Variants in HK2 observed in about 807,000 individuals in gnomAD.
HK2 encodes hexokinase-2.
A neutral mutation model predicts 92.9 loss-of-function variants in HK2; 42 were observed. The observed-to-expected ratio is 0.45, with a 90% CI of 0.35 to 0.58. The LOEUF (loss-of-function observed/expected upper bound fraction) is 0.58, where lower values mean the gene tolerates loss of function less well. HK2 is among the 20% of genes least tolerant of loss of function. The probability of loss-of-function intolerance (pLI) is 0.00; values close to 1 mark genes in which losing one functional copy is unlikely to be tolerated. For synonymous variants in HK2, 422 were observed against 468.0 expected (o/e 0.90, Z 1.27); for missense variants, 978 against 1,245.1 (o/e 0.79, Z 3.23).
rs146462580 is a variant in HK2, at chr2:74,886,335, C to T, written c.1977C>T (p.Val659=). The change falls in exon 14 of 18, where the codon GTC becomes GTT. Residue 659 remains valine (V), a synonymous_variant. Transcript: ENST00000290573. ...LDVVAVVNDT[V]GTMMTCGFED... ...TGGTTGCTGTGGTGAACGACACAGTCGGAACTATGATGACCTGTGGCTTTG... is the reference window on the plus strand; with the variant it reads ...TGGTTGCTGTGGTGAACGACACAGTTGGAACTATGATGACCTGTGGCTTTG... 7.7e-5 allele frequency: 125 copies of T among 1,614,152 alleles called. 1 individual carries two copies. Among genetic ancestry groups the T allele is most frequent in the Middle Eastern group, 5.0e-4 (3 of 6,056 alleles).
rs960191021 is a variant in HK2 at position 74,844,966 on chromosome 2, T to G, written c.64-9327T>G. On this transcript the variant is annotated intron_variant, in intron 1 of 17. Transcript: ENST00000290573. The stretch of plus-strand genomic sequence containing the variant: ...CACCTATTATATCCTAGTATTGAGA[T>G]AGCTGCTGCTATGACTGCAGAGAGG... 8.6e-4 allele frequency among the ~76,000 whole-genome samples: 131 copies of G among 152,308 alleles called. 1 individual carries two copies. Among genetic ancestry groups the G allele is most frequent in the Non-Finnish European group, 1.0e-3 (71 of 68,028 alleles).
chr2:74,886,199 T>C (rs1573391711), intron 13 of HK2, 95 bp from the exon 14 acceptor site: 2 of 892,612 alleles, frequency 2.2e-6, no homozygotes, highest in East Asian at 2.5e-5. Context: ...GTGTATGATA[T>C]ATATTTTATA....
At chr2:74,887,216 C>G (rs1207849543) in intron 15 of HK2, among the ~76,000 whole-genome samples, 1 of 152,240 alleles carries the variant, frequency 6.6e-6, no homozygotes, top group Non-Finnish European at 1.5e-5. Context: ...GCAGAATACG[C>G]TTTGCAAAAC....
intron 1 of HK2, among the ~76,000 whole-genome samples, chr2:74,836,854 C>T (rs1358324167): frequency 6.6e-6 from 1 of 152,112 alleles, no homozygotes; most frequent in African/African-American, 2.4e-5. Flanking sequence ...TTTGAAAAGA[C>T]CTTTTGATTT....
Position 74,880,457 on chromosome 2 carries a change from G to C in HK2, c.1458G>C (p.Glu486Asp). ...HLQLSHDQLL[E>D]VKRRMKVEME... ...AGCTGAGCCATGACCAGCTGCTGGA[G>C]GTCAAGAGGAGGATGAAGGTAGAAA... Residue 486 changes from glutamate (E) to aspartate (D), a missense_variant, in exon 10 of 18, where the codon GAG (glutamate) becomes GAC (aspartate). By Grantham distance (45) the Glu-to-Asp change is conservative. Coordinates refer to ENST00000290573, the MANE Select transcript of HK2 (RefSeq NM_000189.5). 6.2e-7 allele frequency: 1 copy of C among 1,614,234 alleles called. No individual in the cohort carries two copies. Among genetic ancestry groups the C allele is most frequent in the Non-Finnish European group, 8.5e-7 (1 of 1,180,042 alleles).
chr2:74,844,219 A>G (rs1043095062), intron 1 of HK2, among the ~76,000 whole-genome samples: 3 of 139,882 alleles, frequency 2.1e-5, no homozygotes, highest in Non-Finnish European at 4.8e-5. Context: ...AGTTAAGGAA[A>G]CCAGATGTTG....
intron 12 of HK2, 40 bp downstream of exon 12, chr2:74,882,279 T>C (rs769982925): frequency 3.1e-6 from 5 of 1,613,036 alleles, no homozygotes; most frequent in South Asian, 2.2e-5. Context: ...GTGGGCTTTA[T>C]TGACTCTAAA....
At chr2:74,838,407 A>T (rs887764303) in intron 1 of HK2, among the ~76,000 whole-genome samples, 1 of 152,084 alleles carries the variant, frequency 6.6e-6, no homozygotes, top group African/African-American at 2.4e-5. Flanking sequence ...CTTCATCCAA[A>T]GCATGACCTG....
At chr2:74,881,300 A>C (rs1219404332) in intron 10 of HK2, among the ~76,000 whole-genome samples, 2 of 152,214 alleles carry the variant, frequency 1.3e-5, no homozygotes, top group African/African-American at 4.8e-5. Flanking sequence ...AGGCCAGTGT[A>C]GCACAGTTGT....
chr2:74,839,581 T>TA (rs1273696964), intron 1 of HK2, among the ~76,000 whole-genome samples: 1 of 152,180 alleles, frequency 6.6e-6, no homozygotes, highest in Non-Finnish European at 1.5e-5. Context: ...TTGCCAAACT[T>TA]ACATTTCAGA....
chr2:74,874,090 G>A, intron 6 of HK2, 147 bp downstream of exon 6: 1 of 965,366 alleles, frequency 1.0e-6, no homozygotes, highest in Non-Finnish European at 1.6e-6. Context: ...GCCGAGCAGG[G>A]ACTCATGGAG....
intron 2 of HK2, 78 bp from the exon 3 acceptor site, chr2:74,867,558 G>A: frequency 6.5e-7 from 1 of 1,534,020 alleles, no homozygotes; most frequent in South Asian, 1.1e-5. Context: ...TTCCTGGAGG[G>A]ACTTGGAGTT....
chr2:74,876,348 C>T (rs1037308541), intron 7 of HK2, among the ~76,000 whole-genome samples: 1 of 152,170 alleles, frequency 6.6e-6, no homozygotes, highest in Non-Finnish European at 1.5e-5. Context: ...TCCTCTAAGA[C>T]ACAGGTTCTT....
In HK2 at chr2:74,886,570, A is replaced by G. The variant is rs903588416; in HGVS notation, c.2116A>G (p.Asn706Asp). 1 of 1,614,056 alleles carries G rather than the reference A, an allele frequency of 6.2e-7. No homozygotes were observed. The highest frequency in any genetic ancestry group is 1.3e-5 in the African/African-American group (1 of 74,988). Residue 706 changes from asparagine (N) to aspartate (D), a missense_variant, in exon 15 of 18, where the codon AAC becomes GAC. Physicochemically the swap from Asn to Asp is conservative, Grantham distance 23. This residue lies in a region of HK2 where 742 missense variants were observed against 922.5 expected (regional missense o/e 0.80). Coordinates refer to ENST00000290573, the MANE Select transcript of HK2 (RefSeq NM_000189.5). ...AGGAGAAGAGGGGCGGATGTGTGTG[A>G]ACATGGAATGGGGGGCCTTCGGGGA... ...VEGEEGRMCVNMEWGAFGDNG... is the reference protein window; with the variant it reads ...VEGEEGRMCVDMEWGAFGDNG...
chr2:74,857,219 T>A (rs185365594), intron 2 of HK2, among the ~76,000 whole-genome samples: 168 of 152,352 alleles, frequency 1.1e-3, no homozygotes, highest in African/African-American at 3.8e-3. Context: ...GGACTCAGCC[T>A]TTGCTTTTGT....
intron 1 of HK2, among the ~76,000 whole-genome samples, 160 bp from the exon 2 acceptor site, chr2:74,854,133 A>G (rs1276406839): frequency 6.6e-6 from 1 of 151,984 alleles, no homozygotes; most frequent in Non-Finnish European, 1.5e-5. Flanking sequence ...TTTTAAGACA[A>G]AGTCCTGTCA....
intron 1 of HK2, among the ~76,000 whole-genome samples, chr2:74,849,840 C>T (rs984600852): frequency 6.6e-6 from 1 of 152,220 alleles, no homozygotes; most frequent in Non-Finnish European, 1.5e-5. Context: ...CACACCTGTA[C>T]GAACGCTACC....
chr2:74,837,978 C>T lies in HK2; in HGVS notation c.63+3335C>T, dbSNP rs939653551. Reference sequence around the variant, plus strand: ...CGTGAGCCACCGCACGAGGCCTGCCCTTGCCATTTTTGTGGCCCTGAACTC... The same window carrying T: ...CGTGAGCCACCGCACGAGGCCTGCCTTTGCCATTTTTGTGGCCCTGAACTC... On this transcript the variant is annotated intron_variant, in intron 1 of 17. Coordinates refer to ENST00000290573, the MANE Select transcript of HK2 (RefSeq NM_000189.5). Among the ~76,000 whole-genome samples, 6 of 152,144 alleles carry T rather than the reference C, an allele frequency of 3.9e-5. No homozygotes were observed. The East Asian group carries it at 7.7e-4, about 20-fold the overall frequency.
At chr2:74,863,096 T>G (rs1055267743) in intron 2 of HK2, among the ~76,000 whole-genome samples, 3 of 152,230 alleles carry the variant, frequency 2.0e-5, no homozygotes, top group African/African-American at 7.2e-5. Context: ...TCTGTGGGGC[T>G]AATTACACCT....
Sources: allele counts gnomAD v4.1 joint callset (sites outside exome capture counted in the v4.1 genomes callset), GRCh38; gene constraint gnomAD v4.1.1; regional missense constraint gnomAD v4.1.1; transcripts MANE v1.5; gene names NCBI Gene and HGNC (gene_info 2026-07-23, HGNC 2026-07-21).